RAB36: variants seen among roughly 807,000 people sequenced by gnomAD.
RAB36 encodes RAB36, member RAS oncogene family, also known as ras-related protein Rab-36.
Under a neutral mutation model 39.3 loss-of-function variants are expected in RAB36, and 33 were observed. The ratio of observed to expected loss-of-function variants is 0.84; its 90% CI spans 0.64 to 1.12. RAB36 has a LOEUF of 1.12. RAB36 is among the 50% of genes most tolerant of loss of function. RAB36 has a pLI of 0.00. For synonymous variants in RAB36, 133 were observed against 140.2 expected (o/e 0.95, Z 0.36); for missense variants, 308 against 355.3 (o/e 0.87, Z 1.07).
chr22:23,158,097 G>A, intron 7 of RAB36, 54 bp downstream of exon 7: 2 of 1,607,846 alleles, frequency 1.2e-6, no homozygotes, highest in Non-Finnish European at 8.5e-7. Flanking sequence ...GAAGCTGCCT[G>A]GAAGGGCTCC....
rs535293141 is a variant in RAB36, at chr22:23,161,648, A to G, written c.*84A>G. 5.4e-5 allele frequency: 66 copies of G among 1,221,500 alleles called. No homozygotes were observed. In the East Asian group the frequency reaches 1.5e-3, roughly 27 times the overall value. The allele number at this position is 1,221,500 out of a possible 1,614,324, so 75.7% of individuals were successfully genotyped here. The stretch of plus-strand genomic sequence containing the variant: ...ACTGTGGTGTGGAGACTGGAGCCCA[A>G]GCTCTGCAGCGTGTCGCCCTCAAGC... On this transcript the variant is annotated 3_prime_UTR_variant, in exon 11 of 11. Coordinates refer to ENST00000263116, the MANE Select transcript of RAB36 (RefSeq NM_004914.5).
In RAB36 at chr22:23,163,885, C is replaced by T. The variant is rs961394235; in HGVS notation, c.*2321C>T. Reference sequence around the variant, plus strand: ...CTCTCCCTGATGGCACACAAGGAGCCTCCTTCCTGTAGCAGCGCCCAGTTT... The same window carrying T: ...CTCTCCCTGATGGCACACAAGGAGCTTCCTTCCTGTAGCAGCGCCCAGTTT... On this transcript the variant is annotated 3_prime_UTR_variant, in exon 11 of 11. Coordinates refer to ENST00000263116, the MANE Select transcript of RAB36 (RefSeq NM_004914.5). The T allele has an allele frequency of 5.3e-5, 8 of 152,228 alleles. No homozygotes were observed. Among genetic ancestry groups the T allele is most frequent in the African/African-American group, 1.7e-4 (7 of 41,462 alleles). The allele number at this position is 152,228 out of a possible 1,614,324, so 9.4% of individuals were successfully genotyped here. A position where few individuals can be genotyped will look rare whatever the true frequency, so the allele number is the denominator to read the frequency against.
At chr22:23,150,411 C>T (rs1460861459) in intron 3 of RAB36, among the ~76,000 whole-genome samples, 2 of 151,528 alleles carry the variant, frequency 1.3e-5, no homozygotes, top group African/African-American at 2.4e-5. Flanking sequence ...ATGCCATTCT[C>T]CTGCCTCAGC....
In RAB36 at chr22:23,159,171, C is replaced by A. The variant is rs1302371200; in HGVS notation, c.537C>A (p.Ala179=). 1 of 1,611,130 alleles carries A rather than the reference C, an allele frequency of 6.2e-7. No individual in the cohort carries two copies. The part of the protein sequence containing the change: ...VGTKKDLLSG[A]ACEQAEADAV... Reference sequence around the variant, plus strand: ...AGGGCCATTTCTCCCAGTCAGGGGCCGCATGTGAGCAGGCCGAAGCAGACG... The same window carrying A: ...AGGGCCATTTCTCCCAGTCAGGGGCAGCATGTGAGCAGGCCGAAGCAGACG... The change falls in exon 9 of 11, where the codon GCC becomes GCA. Residue 179 remains alanine, a synonymous_variant. Transcript: ENST00000263116.
intron 6 of RAB36, among the ~76,000 whole-genome samples, chr22:23,156,783 G>A (rs533664568): frequency 9.9e-5 from 15 of 152,270 alleles, no homozygotes; most frequent in East Asian, 3.9e-4. Flanking sequence ...TGCCCTGGTC[G>A]CATGGCCTCC....
At position 23,162,692 on chromosome 22, in the gene RAB36, G is replaced by T. The variant is rs764821325; in HGVS notation, c.*1128G>T. ...CCCCAGGCCCCTGTCACCTGGCTAT[G>T]CCCACTCATCCCACCCGTCTCGTGC... is the stretch of plus-strand genomic sequence containing the variant. On this transcript the variant is annotated 3_prime_UTR_variant, in exon 11 of 11. Transcript: ENST00000263116. 1 of 456,130 alleles carries T rather than the reference G, an allele frequency of 2.2e-6. No homozygotes were observed. The highest frequency in any genetic ancestry group is 4.4e-6 in the Non-Finnish European group (1 of 226,982). 28.3% of individuals were successfully genotyped at this position (456,130 alleles called of 1,614,324 possible).
chr22:23,151,132 A>G (rs1292913303), intron 3 of RAB36, among the ~76,000 whole-genome samples: 1 of 152,248 alleles, frequency 6.6e-6, no homozygotes. Flanking sequence ...CAGAGAGCGC[A>G]GCTAGAGGTT....
chr22:23,155,775 G>C (rs1347460253), intron 5 of RAB36, among the ~76,000 whole-genome samples, 193 bp from the exon 6 acceptor site: 1 of 152,162 alleles, frequency 6.6e-6, no homozygotes, highest in Non-Finnish European at 1.5e-5. Flanking sequence ...GAAGTCCACT[G>C]GGGGCACCCT....
rs2071820694 is a variant in RAB36 at position 23,161,749 on chromosome 22, T to C, written c.*185T>C. ...GGCACAGTCACTTGTCCGTTGCAGG[T>C]TGGGCACTAGAAAAGGCCCCCACTG... On this transcript the variant is annotated 3_prime_UTR_variant, in exon 11 of 11. Transcript: ENST00000263116. 5.1e-6 allele frequency: 3 copies of C among 589,544 alleles called. No individual in the cohort carries two copies. The highest frequency in any genetic ancestry group is 3.0e-5 in the Admixed American group (1 of 32,806). 36.5% of individuals were successfully genotyped at this position (589,544 alleles called of 1,614,324 possible). A position where few individuals can be genotyped will look rare whatever the true frequency, so the allele number is the denominator to read the frequency against.
At chr22:23,166,240 C>T (rs960958113), downstream of RAB36, among the ~76,000 whole-genome samples, 1 of 144,158 alleles carries the variant, frequency 6.9e-6, no homozygotes, top group Non-Finnish European at 1.5e-5. Flanking sequence ...TTACATCACA[C>T]TTGCTATATT....
chr22:23,149,127 G>A (rs1354174071), intron 2 of RAB36, among the ~76,000 whole-genome samples: 3 of 151,160 alleles, frequency 2.0e-5, no homozygotes, highest in Non-Finnish European at 4.4e-5. Context: ...AGACACTGCG[G>A]CTGAGGGAGG....
At chr22:23,152,759 T>C (rs922042178) in intron 4 of RAB36, among the ~76,000 whole-genome samples, 1 of 152,162 alleles carries the variant, frequency 6.6e-6, no homozygotes, top group African/African-American at 2.4e-5. Flanking sequence ...ACTGTCCCCC[T>C]GGGGCCACGG....
chr22:23,147,401 A>T, intron 2 of RAB36, among the ~76,000 whole-genome samples: 1 of 151,874 alleles, frequency 6.6e-6, no homozygotes, highest in Non-Finnish European at 1.5e-5. Flanking sequence ...TGGTGCCATC[A>T]TAATTCACTC....
At chr22:23,153,226 G>A (rs1455444666) in intron 5 of RAB36, 92 bp downstream of exon 5, 1 of 977,696 alleles carries the variant, frequency 1.0e-6, no homozygotes, top group Non-Finnish European at 1.6e-6. Context: ...TCCATGTCAA[G>A]GAGGACTAGT....
chr22:23,166,703 G>A (rs1012449962), downstream of RAB36, among the ~76,000 whole-genome samples: 2 of 152,086 alleles, frequency 1.3e-5, no homozygotes, highest in African/African-American at 4.8e-5. Flanking sequence ...GTCTCACAGT[G>A]CAGCCTCACA....
In RAB36 at chr22:23,158,044, G is replaced by GT; in HGVS notation, c.446+2dup. 1 of 1,614,160 alleles carries GT rather than the reference G, an allele frequency of 6.2e-7. No homozygotes were observed. On this transcript the variant is annotated splice_donor_variant, in intron 7 of 10. Transcript: ENST00000263116. LOFTEE classifies it high-confidence loss of function. ...ACGTGCAGACCCTGGAGCATACCAG[G>GT]TAAGTCTGGGCTCTCTGGCCCCTGC... is the stretch of plus-strand genomic sequence containing the variant.
downstream of RAB36, among the ~76,000 whole-genome samples, chr22:23,168,345 G>A (rs1896531681): frequency 6.6e-6 from 1 of 152,196 alleles, no homozygotes; most frequent in African/African-American, 2.4e-5. Context: ...ACTGCAGAGA[G>A]ACACAGCAAC....
In RAB36 at chr22:23,155,707, C is replaced by T. The variant is rs116771360; in HGVS notation, c.330-261C>T. Among the ~76,000 whole-genome samples, 277 of 152,346 alleles carry T rather than the reference C, an allele frequency of 1.8e-3. 3 individuals are homozygous for T. The highest frequency in any genetic ancestry group is 6.5e-3 in the African/African-American group (271 of 41,584). Reference sequence around the variant, plus strand: ...GTCAGAAGGGAGTGAGCTGCAACTCCATCCATCCAGGCAGCAGAACAACTA... The same window carrying T: ...GTCAGAAGGGAGTGAGCTGCAACTCTATCCATCCAGGCAGCAGAACAACTA... On this transcript the variant is annotated intron_variant, in intron 5 of 10. Transcript: ENST00000263116.
chr22:23,167,520 G>A (rs956973730), downstream of RAB36, among the ~76,000 whole-genome samples: 1 of 152,064 alleles, frequency 6.6e-6, no homozygotes, highest in Admixed American at 6.6e-5. Context: ...GGATCCATTC[G>A]ACTCACATTT....
Sources: gnomAD v4.1 joint callset for allele counts (sites outside exome capture counted in the v4.1 genomes callset) on GRCh38, gnomAD v4.1.1 for gene constraint, MANE v1.5 for transcripts, NCBI Gene and HGNC (gene_info 2026-07-23, HGNC 2026-07-21) for gene names.